The following ZRANB1 variants were observed in gnomAD, a reference collection of about 807,000 sequenced individuals.
The protein encoded by ZRANB1 is zinc finger RANBP2-type containing 1.
A neutral mutation model predicts 80.5 loss-of-function variants in ZRANB1; 16 were observed. The ratio of observed to expected loss-of-function variants is 0.20; its 90% CI spans 0.13 to 0.30. The LOEUF (loss-of-function observed/expected upper bound fraction) is 0.30. Among genes scored for constraint, ZRANB1 ranks in the 10% least tolerant of loss-of-function variants. The probability of loss-of-function intolerance (pLI) is 1.00; values close to 1 mark genes in which losing one functional copy is unlikely to be tolerated. For missense variants in ZRANB1, 576 were observed against 862.6 expected (o/e 0.67, Z 4.16); for synonymous variants, 291 against 293.1 (o/e 0.99, Z 0.07).
chr10:124,984,616 T>G, intron 8 of ZRANB1, 158 bp from the exon 9 acceptor site: 3 of 690,840 alleles, frequency 4.3e-6, no homozygotes, highest in Non-Finnish European at 7.0e-6. Context: ...AACTGGACTT[T>G]AATCACAAAA....
intron 1 of ZRANB1, chr10:124,945,226 A>G (rs1951570068): frequency 6.6e-6 from 1 of 152,146 alleles, no homozygotes; most frequent in East Asian, 1.9e-4. Context: ...TGTACCCATT[A>G]AGCAGTTACT....
At chr10:124,947,224 G>A (rs917826860) in intron 1 of ZRANB1, among the ~76,000 whole-genome samples, 6 of 152,176 alleles carry the variant, frequency 3.9e-5, no homozygotes, top group African/African-American at 1.4e-4. Context: ...TGAGAACCAG[G>A]GTGGTAAAGG....
At chr10:124,933,322 A>G in the ZRANB1 span, among the ~76,000 whole-genome samples, 2 of 151,916 alleles carry the variant, frequency 1.3e-5, no homozygotes, top group Non-Finnish European at 2.9e-5. Context: ...TATTTTTAAT[A>G]GAGACAGGGT....
the ZRANB1 span, among the ~76,000 whole-genome samples, chr10:124,922,336 A>ATT: frequency 2.9e-4 from 13 of 44,768 alleles, no homozygotes; most frequent in African/African-American, 6.5e-4. Flanking sequence ...GTATATATAT[A>ATT]TTTTTTTTTT....
intron 5 of ZRANB1, among the ~76,000 whole-genome samples, chr10:124,975,088 C>T (rs986311759): frequency 1.3e-5 from 2 of 152,162 alleles, no homozygotes; most frequent in African/African-American, 2.4e-5. Context: ...CCTGAGCTGC[C>T]GCACCCAGCC....
At chr10:124,934,567 G>C in the ZRANB1 span, among the ~76,000 whole-genome samples, 1 of 152,150 alleles carries the variant, frequency 6.6e-6, no homozygotes, top group Non-Finnish European at 1.5e-5. Flanking sequence ...ACAATTTTGC[G>C]GCTTTTAGTA....
intron 1 of ZRANB1, among the ~76,000 whole-genome samples, chr10:124,944,889 A>G (rs1951566894): frequency 6.6e-6 from 1 of 152,138 alleles, no homozygotes; most frequent in African/African-American, 2.4e-5. Context: ...GGCACTTAGC[A>G]AGTCTTAGTT....
intron 5 of ZRANB1, among the ~76,000 whole-genome samples, chr10:124,979,855 T>G (rs2133994619): frequency 6.6e-6 from 1 of 152,384 alleles, no homozygotes; most frequent in African/African-American, 2.4e-5. Flanking sequence ...TCTGGACTCT[T>G]AATATTTTTC....
intron 1 of ZRANB1, among the ~76,000 whole-genome samples, chr10:124,963,718 T>G (rs552338001): frequency 4.6e-5 from 7 of 152,212 alleles, no homozygotes; most frequent in Admixed American, 2.6e-4. Context: ...TATGAAGTAA[T>G]GTCTAAACTT....
chr10:124,972,262 C>T, intron 3 of ZRANB1, 144 bp downstream of exon 3: 1 of 719,374 alleles, frequency 1.4e-6, no homozygotes, highest in Non-Finnish European at 2.2e-6. Context: ...CTTATATATG[C>T]TGGAAGTGAG....
chr10:124,929,207 T>TA, the ZRANB1 span, among the ~76,000 whole-genome samples: 1 of 152,284 alleles, frequency 6.6e-6, no homozygotes, highest in East Asian at 1.9e-4. Context: ...TGTAGCCTGA[T>TA]AATCTTGGAC....
chr10:124,983,311 C>T lies in ZRANB1; in HGVS notation c.1678+7C>T, dbSNP rs370688057. 3.7e-6 allele frequency: 6 copies of T among 1,613,196 alleles called. No homozygotes were observed. Among genetic ancestry groups the T allele is most frequent in the East Asian group, 2.2e-5 (1 of 44,878 alleles). On this transcript the variant is annotated splice_region_variant and intron_variant, in intron 7 of 8. Transcript: ENST00000359653. The surrounding 1 kb of genome is among the most constrained non-coding windows in gnomAD (Gnocchi z 6.2). ...GGATATACTCGGTTTCAAGGTAAGC[C>T]ATTATTCAGGAACGTTTTACAAGTT...
Position 124,970,899 on chromosome 10 carries a change from G to A in ZRANB1, c.1003-1066G>A, listed in dbSNP as rs180863174. Among the ~76,000 whole-genome samples, 558 of 145,488 alleles carry A rather than the reference G, an allele frequency of 3.8e-3. 1 individual carries two copies. The highest frequency in any genetic ancestry group is 7.7e-3 in the Admixed American group (109 of 14,130). ...GTCACCCTGGCTGGAGTGCAGTGGC[G>A]CGTTCTCAGCTCATTTCAACTTCCT... is the stretch of plus-strand genomic sequence containing the variant. On this transcript the variant is annotated intron_variant, in intron 2 of 8. Coordinates refer to ENST00000359653, the MANE Select transcript of ZRANB1 (RefSeq NM_017580.3).
At chr10:124,971,123 C>T (rs1222298699) in intron 2 of ZRANB1, among the ~76,000 whole-genome samples, 1 of 152,076 alleles carries the variant, frequency 6.6e-6, no homozygotes, top group Non-Finnish European at 1.5e-5. Context: ...TTGTGCCTGG[C>T]CTTGAATTCT....
the ZRANB1 span, among the ~76,000 whole-genome samples, chr10:124,929,417 C>T: frequency 1.3e-5 from 2 of 151,230 alleles, no homozygotes; most frequent in South Asian, 2.1e-4. Flanking sequence ...CTCACTGCAA[C>T]GTCCGTCTAC....
rs1258483783 is a variant in ZRANB1 at position 124,966,681 on chromosome 10, G to C, written c.902G>C (p.Arg301Pro). The C allele has an allele frequency of 6.2e-7, 1 of 1,614,042 alleles. No homozygotes were observed. The highest frequency in any genetic ancestry group is 8.5e-7 in the Non-Finnish European group (1 of 1,180,040). ...IARQLTADEVRLLNRPSAFDV... is the reference protein window; with the variant it reads ...IARQLTADEVPLLNRPSAFDV... ...CGTCAGCTCACCGCAGATGAAGTAC[G>C]CTTGCTGAATCGTCCTTCTGCCTTT... The change falls in exon 2 of 9, where the codon CGC becomes CCC. Residue 301 changes from arginine to proline, a missense_variant. Coordinates refer to ENST00000359653, the MANE Select transcript of ZRANB1 (RefSeq NM_017580.3).
Position 124,943,114 on chromosome 10 carries a change from C to CAGT in ZRANB1, c.625_627dup (p.Ser209dup), listed in dbSNP as rs1171113637. 6.2e-7 allele frequency: 1 copy of CAGT among 1,614,088 alleles called. No individual in the cohort carries two copies. The highest frequency in any genetic ancestry group is 1.7e-5 in the Admixed American group (1 of 60,008). ...ACAGAGCTCGATGGAGGGGAAGTTGCAGTAGTGGTAATAGCCAAAGGAGAT... is the reference window on the plus strand; with the variant it reads ...ACAGAGCTCGATGGAGGGGAAGTTGCAGTAGTAGTGGTAATAGCCAAAGGAGAT... On this transcript the variant is annotated inframe_insertion, in exon 1 of 9. Coordinates refer to ENST00000359653, the MANE Select transcript of ZRANB1 (RefSeq NM_017580.3).
chr10:124,920,318 T>G, the ZRANB1 span, among the ~76,000 whole-genome samples: 1 of 152,220 alleles, frequency 6.6e-6, no homozygotes. Context: ...ACTTATCCTC[T>G]CATTGATTTG....
chr10:124,952,125 T>G (rs1402315772), intron 1 of ZRANB1, among the ~76,000 whole-genome samples: 1 of 151,946 alleles, frequency 6.6e-6, no homozygotes, highest in Non-Finnish European at 1.5e-5. Context: ...ATAAATAGAG[T>G]GGCAGGCAAG....
Sources: allele counts gnomAD v4.1 joint callset (sites outside exome capture counted in the v4.1 genomes callset), GRCh38; gene constraint gnomAD v4.1.1; non-coding constraint Gnocchi (gnomAD v3.1); transcripts MANE v1.5; gene names NCBI Gene and HGNC (gene_info 2026-07-23, HGNC 2026-07-21).